The following ABCA5 variants were observed in gnomAD, a reference collection of about 807,000 sequenced individuals.
ABCA5 encodes ATP binding cassette subfamily A member 5, also known as cholesterol transporter ABCA5.
Under a neutral mutation model 206.0 loss-of-function variants are expected in ABCA5, and 163 were observed. That is an observed-to-expected ratio of 0.79 (90% CI 0.70 to 0.90). The LOEUF is 0.90. Among genes scored for constraint, ABCA5 ranks in the 40% least tolerant of loss-of-function variants. The pLI, the probability that ABCA5 is intolerant of heterozygous loss-of-function variation, is 0.00. For missense variants in ABCA5, 1,859 were observed against 1,912.9 expected (o/e 0.97, Z 0.53); for synonymous variants, 609 against 613.8 (o/e 0.99, Z 0.11).
intron 1 of ABCA5, among the ~76,000 whole-genome samples, chr17:69,315,874 CT>C (rs1324107757): frequency 1.3e-5 from 2 of 151,238 alleles, no homozygotes; most frequent in Admixed American, 6.6e-5. Context: ...TCTGATAAAA[CT>C]TTTAAAGCAG....
rs369145518 is a variant in ABCA5, at chr17:69,277,836, C to T, written c.2399G>A (p.Ser800Asn). The T allele has an allele frequency of 7.9e-6, 12 of 1,518,816 alleles. No individual in the cohort carries two copies. Among genetic ancestry groups the T allele is most frequent in the Middle Eastern group, 3.5e-4 (2 of 5,682 alleles). 94.1% of individuals were successfully genotyped at this position (1,518,816 alleles called of 1,614,324 possible). ...VEAEIDQADY[S>N]VFTQQPLEEE... ...CTCCAGTGGCTGCTGAGTAAATACACTATAATCTATTTGCCAAAACAAAAC... is the reference window on the plus strand; with the variant it reads ...CTCCAGTGGCTGCTGAGTAAATACATTATAATCTATTTGCCAAAACAAAAC... Residue 800 changes from serine (S) to asparagine (N), a missense_variant, in exon 19 of 39, where the codon AGT becomes AAT. Ser to Asn is a conservative substitution (Grantham distance 46). Coordinates refer to ENST00000392676, the MANE Select transcript of ABCA5 (RefSeq NM_172232.4).
intron 18 of ABCA5, among the ~76,000 whole-genome samples, chr17:69,283,663 A>G (rs1221430575): frequency 6.6e-6 from 1 of 152,058 alleles, no homozygotes; most frequent in Non-Finnish European, 1.5e-5. Flanking sequence ...CTTTATCTGA[A>G]AATTTCTGCC....
intron 12 of ABCA5, 54 bp from the exon 13 acceptor site, chr17:69,290,091 T>C: frequency 8.2e-7 from 1 of 1,225,174 alleles, no homozygotes; most frequent in Admixed American, 2.8e-5. Flanking sequence ...AATGTGTATG[T>C]TTTCAAGTAT....
chr17:69,314,175 G>T, intron 2 of ABCA5, 139 bp downstream of exon 2: 1 of 400,214 alleles, frequency 2.5e-6, no homozygotes, highest in Non-Finnish European at 4.3e-6. Flanking sequence ...TGGCTAACAT[G>T]GCAAGCTTTT....
chr17:69,305,260 A>C (rs2075704469), intron 6 of ABCA5, among the ~76,000 whole-genome samples: 1 of 152,190 alleles, frequency 6.6e-6, no homozygotes, highest in Non-Finnish European at 1.5e-5. Flanking sequence ...TCAATGACAT[A>C]ATTACTACAA....
intron 37 of ABCA5, 53 bp downstream of exon 37, chr17:69,249,852 A>G (rs2074991581): frequency 2.0e-6 from 3 of 1,521,490 alleles, no homozygotes; most frequent in Non-Finnish European, 2.7e-6. Context: ...TGTGAAAGGG[A>G]CTGAACATCT....
rs1046071659 is a variant in ABCA5 at position 69,254,368 on chromosome 17, A to C, written c.4191T>G (p.Ile1397Met). The C allele has an allele frequency of 6.2e-6, 10 of 1,613,388 alleles. No individual in the cohort carries two copies. Among genetic ancestry groups the C allele is most frequent in the African/African-American group, 4.0e-5 (3 of 74,874 alleles). ...PDTTLQEHFE[I>M]YGAVKGMSAS... ...CACTCATTCCTTTGACAGCTCCATA[A>C]ATTTCAAAATGTTCCTGCAATGTAG... The change falls in exon 32 of 39, where the codon ATT becomes ATG. Residue 1397 changes from isoleucine (I) to methionine (M), a missense_variant. Coordinates refer to ENST00000392676, the MANE Select transcript of ABCA5 (RefSeq NM_172232.4).
chr17:69,306,122 T>C (rs2075714517), intron 6 of ABCA5, among the ~76,000 whole-genome samples: 1 of 152,174 alleles, frequency 6.6e-6, no homozygotes, highest in Non-Finnish European at 1.5e-5. Flanking sequence ...TAAAAATGCA[T>C]GCCTTTGTAA....
chr17:69,270,792 G>C (rs781612608), intron 21 of ABCA5, 42 bp from the exon 22 acceptor site: 14 of 1,465,586 alleles, frequency 9.6e-6, no homozygotes, highest in Non-Finnish European at 1.3e-5. Context: ...CTGTATATAA[G>C]CGGATATATT....
intron 28 of ABCA5, 81 bp downstream of exon 28, chr17:69,259,625 T>G: frequency 1.0e-6 from 1 of 968,558 alleles, no homozygotes; most frequent in South Asian, 1.8e-5. Context: ...CTGGAAATGT[T>G]CCAAAATTAT....
In ABCA5 at chr17:69,247,432, G is replaced by A. The variant is rs1249059881; in HGVS notation, c.*105C>T. 6 of 703,404 alleles carry A rather than the reference G, an allele frequency of 8.5e-6. No homozygotes were observed. The highest frequency in any genetic ancestry group is 3.7e-5 in the African/African-American group (2 of 54,394). 43.6% of individuals were successfully genotyped at this position (703,404 alleles called of 1,614,324 possible). Reference sequence around the variant, plus strand: ...AGGAGCTTAGAAAAATTTCAAGTGCGTTCTTGGTTCTCCAGTTACCATTCC... The same window carrying A: ...AGGAGCTTAGAAAAATTTCAAGTGCATTCTTGGTTCTCCAGTTACCATTCC... On this transcript the variant is annotated 3_prime_UTR_variant, in exon 39 of 39. Coordinates refer to ENST00000392676, the MANE Select transcript of ABCA5 (RefSeq NM_172232.4).
chr17:69,265,141 T>C (rs2075194012), intron 23 of ABCA5, among the ~76,000 whole-genome samples: 2 of 152,088 alleles, frequency 1.3e-5, no homozygotes, highest in Admixed American at 1.3e-4. Flanking sequence ...AGAATCAGAA[T>C]ACAGTAGTGC....
Position 69,293,866 on chromosome 17 carries a change from G to T in ABCA5, c.1495+789C>A, listed in dbSNP as rs915186815. ...TGTGTGTGTGTGTGTGTGTGTGTGT[G>T]TGTGTGCGTGTGTGTGTGTTTGTGT... On this transcript the variant is annotated intron_variant, in intron 11 of 38. Coordinates refer to ENST00000392676, the MANE Select transcript of ABCA5 (RefSeq NM_172232.4). 7.6e-3 allele frequency among the ~76,000 whole-genome samples: 668 copies of T among 88,048 alleles called. 3 individuals are homozygous for T. Among genetic ancestry groups the T allele is most frequent in the East Asian group, 0.018 (55 of 3,090 alleles). 57.8% of individuals were successfully genotyped at this position (88,048 alleles called of 152,430 possible). A position where few individuals can be genotyped will look rare whatever the true frequency, so the allele number is the denominator to read the frequency against.
In ABCA5 at chr17:69,308,186, T is replaced by C. The variant is rs575854378; in HGVS notation, c.558+94A>G. ...TAGTAGGTTACATATTTTGTACATT[T>C]GACAGTAGTCAAACCAAATACTATT... On this transcript the variant is annotated intron_variant, in intron 5 of 38. Transcript: ENST00000392676. 32 of 609,308 alleles carry C rather than the reference T, an allele frequency of 5.3e-5. No individual in the cohort carries two copies. The South Asian group carries it at 1.2e-3, about 22-fold the overall frequency. 37.7% of individuals were successfully genotyped at this position (609,308 alleles called of 1,614,324 possible). A position where few individuals can be genotyped will look rare whatever the true frequency, so the allele number is the denominator to read the frequency against.
intron 36 of ABCA5, among the ~76,000 whole-genome samples, 181 bp from the exon 37 acceptor site, chr17:69,250,165 A>C (rs557690447): frequency 6.6e-6 from 1 of 152,172 alleles, no homozygotes; most frequent in South Asian, 2.1e-4. Context: ...TACTACTAAG[A>C]ATGTTAAAAA....
intron 1 of ABCA5, among the ~76,000 whole-genome samples, chr17:69,324,248 T>C (rs1292648384): frequency 6.6e-6 from 1 of 152,072 alleles, no homozygotes; most frequent in Non-Finnish European, 1.5e-5. Flanking sequence ...TAAAATTTAA[T>C]ATAATGTGAT....
At chr17:69,287,316 T>C (rs982130957) in intron 15 of ABCA5, among the ~76,000 whole-genome samples, 5 of 152,196 alleles carry the variant, frequency 3.3e-5, no homozygotes, top group Non-Finnish European at 5.9e-5. Context: ...TTGCCTCATA[T>C]ACCTTTTCCC....
chr17:69,282,765 C>A (rs2075409077), intron 18 of ABCA5, among the ~76,000 whole-genome samples: 5 of 107,910 alleles, frequency 4.6e-5, no homozygotes, highest in African/African-American at 1.4e-4. Flanking sequence ...GAGCAAGACT[C>A]AAAAAAAAAA....
rs1180409451 is a variant in ABCA5, at chr17:69,254,485, A to C, written c.4074T>G (p.Phe1358Leu). 5.0e-6 allele frequency: 8 copies of C among 1,610,276 alleles called. No homozygotes were observed. Among genetic ancestry groups the C allele is most frequent in the Non-Finnish European group, 6.8e-6 (8 of 1,178,692 alleles). ...TTGTCTCTGAAGAATAATCTCCTAA[A>C]AATACCTATAGAAACACAAACCAAT... ...GDIEPTSGQV[F>L]LGDYSSETSE... Residue 1358 changes from phenylalanine to leucine, a missense_variant, in exon 32 of 39, where the codon TTT (phenylalanine) becomes TTG (leucine). By Grantham distance (22) the Phe-to-Leu change is conservative. Transcript: ENST00000392676.
Sources: gnomAD v4.1 joint callset for allele counts (sites outside exome capture counted in the v4.1 genomes callset) on GRCh38, gnomAD v4.1.1 for gene constraint, MANE v1.5 for transcripts, NCBI Gene and HGNC (gene_info 2026-07-23, HGNC 2026-07-21) for gene names.